PCGF6: variants seen among roughly 807,000 people sequenced by gnomAD.
PCGF6 encodes polycomb group RING finger protein 6.
A neutral mutation model predicts 45.5 loss-of-function variants in PCGF6; 24 were observed. That is an observed-to-expected ratio of 0.53 (90% CI 0.38 to 0.74). PCGF6 has a LOEUF of 0.74. Among genes scored for constraint, PCGF6 ranks in the 30% least tolerant of loss-of-function variants. The probability of loss-of-function intolerance (pLI) is 0.00; values close to 1 mark genes in which losing one functional copy is unlikely to be tolerated. For synonymous variants in PCGF6, 152 were observed against 162.1 expected, an observed-to-expected ratio of 0.94 and a Z score of 0.47; for missense variants, 356 against 443.2, an observed-to-expected ratio of 0.80 and a Z score of 1.77.
At chr10:103,340,502 A>G (rs1399110116) in intron 6 of PCGF6, among the ~76,000 whole-genome samples, 1 of 152,146 alleles carries the variant, frequency 6.6e-6, no homozygotes, top group African/African-American at 2.4e-5. Context: ...CACGTTTACC[A>G]TCGTTGTATT....
intron 9 of PCGF6, among the ~76,000 whole-genome samples, chr10:103,307,394 G>A (rs528840162): frequency 9.2e-4 from 140 of 152,192 alleles, no homozygotes; most frequent in African/African-American, 3.1e-3. Flanking sequence ...CCATATTCAT[G>A]CCACTGCACT....
chr10:103,319,576 A>G (rs2093189112), intron 8 of PCGF6, among the ~76,000 whole-genome samples: 1 of 152,112 alleles, frequency 6.6e-6, no homozygotes, highest in Admixed American at 6.6e-5. Context: ...CATTCATTAC[A>G]TCCTATTGTT....
At chr10:103,348,598 T>C (rs2133602543) in intron 3 of PCGF6, 118 bp downstream of exon 3, 1 of 771,068 alleles carries the variant, frequency 1.3e-6, no homozygotes, top group South Asian at 1.9e-5. Flanking sequence ...GTGCTGGGAT[T>C]ATGGCATTAG....
intron 8 of PCGF6, among the ~76,000 whole-genome samples, chr10:103,322,981 T>C (rs1049016670): frequency 6.6e-6 from 1 of 152,044 alleles, no homozygotes; most frequent in African/African-American, 2.4e-5. Context: ...ATCTGTATTC[T>C]AGAGAGGGTC....
At chr10:103,344,318 C>T (rs2093291667) in intron 6 of PCGF6, among the ~76,000 whole-genome samples, 1 of 150,698 alleles carries the variant, frequency 6.6e-6, no homozygotes, top group Non-Finnish European at 1.5e-5. Flanking sequence ...GTCACCCAGA[C>T]TGGAGTGCGG....
chr10:103,336,044 T>C (rs1382784428), intron 6 of PCGF6, among the ~76,000 whole-genome samples: 1 of 151,224 alleles, frequency 6.6e-6, no homozygotes, highest in East Asian at 2.0e-4. Flanking sequence ...GGTGGGTGGA[T>C]TGCCTGAGCT....
At chr10:103,309,954 CT>C (rs775316303) in intron 9 of PCGF6, among the ~76,000 whole-genome samples, 4,338 of 141,294 alleles carry the variant, frequency 0.031, 73 homozygotes, top group Middle Eastern at 0.042. Context: ...CCTTGTCTTT[CT>C]TTTTTTTTTT....
At chr10:103,345,247 A>T in intron 5 of PCGF6, 115 bp from the exon 6 acceptor site, 1 of 709,854 alleles carries the variant, frequency 1.4e-6, no homozygotes, top group Non-Finnish European at 2.3e-6. Flanking sequence ...ATCATAAACC[A>T]CTCAATCTCC....
At position 103,322,537 on chromosome 10, in the gene PCGF6, C is replaced by T. The variant is rs544097610; in HGVS notation, c.909+3997G>A. On this transcript the variant is annotated intron_variant, in intron 8 of 9. Coordinates refer to ENST00000369847, the MANE Select transcript of PCGF6 (RefSeq NM_001011663.2). ...ATTTTGTTTCTGTCAATTAAAAAAA[C>T]AGGCTGGGCACAGTGGCTCATGCCT... Among the ~76,000 whole-genome samples, 54 of 151,554 alleles carry T rather than the reference C, an allele frequency of 3.6e-4. No individual in the cohort carries two copies. The South Asian group carries it at 0.011, about 32-fold the overall frequency.
At chr10:103,330,827 G>T (rs1056770118) in intron 7 of PCGF6, among the ~76,000 whole-genome samples, 4 of 152,182 alleles carry the variant, frequency 2.6e-5, no homozygotes, top group African/African-American at 9.7e-5. Flanking sequence ...TACTTGGGAG[G>T]CTGAGGCAGG....
chr10:103,303,189 T>C lies in PCGF6; in HGVS notation c.*716A>G, dbSNP rs867493582. On this transcript the variant is annotated 3_prime_UTR_variant, in exon 10 of 10. Coordinates refer to ENST00000369847, the MANE Select transcript of PCGF6 (RefSeq NM_001011663.2). ...TTGCAAGGTATCAACAACCACACTATGTACCCAAATAAAATGAATGTCAGA... is the reference window on the plus strand; with the variant it reads ...TTGCAAGGTATCAACAACCACACTACGTACCCAAATAAAATGAATGTCAGA... The C allele has an allele frequency of 2.0e-5, 3 of 152,624 alleles. No homozygotes were observed. Among genetic ancestry groups the C allele is most frequent in the African/African-American group, 7.2e-5 (3 of 41,456 alleles). 9.5% of individuals were successfully genotyped at this position (152,624 alleles called of 1,614,324 possible). A position where few individuals can be genotyped will look rare whatever the true frequency, so the allele number is the denominator to read the frequency against.
intron 7 of PCGF6, among the ~76,000 whole-genome samples, chr10:103,327,098 C>G (rs1302999909): frequency 1.3e-5 from 2 of 152,112 alleles, no homozygotes; most frequent in African/African-American, 4.8e-5. Flanking sequence ...ACCAGCCTGA[C>G]CAACATGGAG....
At chr10:103,346,394 G>A (rs2093299578) in intron 5 of PCGF6, among the ~76,000 whole-genome samples, 1 of 151,960 alleles carries the variant, frequency 6.6e-6, no homozygotes, top group African/African-American at 2.4e-5. Context: ...GGGAGGCCGA[G>A]GAGGGCAGAT....
chr10:103,325,255 T>C (rs2093213797), intron 8 of PCGF6, among the ~76,000 whole-genome samples: 1 of 152,062 alleles, frequency 6.6e-6, no homozygotes, highest in Admixed American at 6.6e-5. Context: ...GTTTTTTTGT[T>C]TGTTTTGTTT....
rs1026587740 is a variant in PCGF6 at position 103,333,996 on chromosome 10, C to G, written c.783-44G>C. ...ATTAATCAATATTTAATACTTTAAGCTATATGTTTAATCATAAAACAACAT... is the reference window on the plus strand; with the variant it reads ...ATTAATCAATATTTAATACTTTAAGGTATATGTTTAATCATAAAACAACAT... On this transcript the variant is annotated intron_variant, in intron 6 of 9. Coordinates refer to ENST00000369847, the MANE Select transcript of PCGF6 (RefSeq NM_001011663.2). The G allele has an allele frequency of 5.4e-6, 7 of 1,306,210 alleles. No homozygotes were observed. In the African/African-American group the frequency reaches 9.3e-5, roughly 17 times the overall value. 80.9% of individuals were successfully genotyped at this position (1,306,210 alleles called of 1,614,324 possible).
chr10:103,335,889 C>T (rs1308367105), intron 6 of PCGF6, among the ~76,000 whole-genome samples: 1 of 143,664 alleles, frequency 7.0e-6, no homozygotes, highest in Non-Finnish European at 1.5e-5. Flanking sequence ...ACTGCTTGAA[C>T]CCGGGAGGCG....
At chr10:103,304,369 CTTGCTCTG>C (rs1354469670) in intron 9 of PCGF6, among the ~76,000 whole-genome samples, 1 of 152,140 alleles carries the variant, frequency 6.6e-6, no homozygotes, top group Non-Finnish European at 1.5e-5. Flanking sequence ...GAGTCGGAAT[CTTGCTCTG>C]TTGCCCAGGC....
At chr10:103,327,140 C>T (rs180986666) in intron 7 of PCGF6, among the ~76,000 whole-genome samples, 213 of 152,170 alleles carry the variant, frequency 1.4e-3, no homozygotes, top group African/African-American at 4.8e-3. Flanking sequence ...TACAAATTAG[C>T]TGGGCAAGGT....
In PCGF6 at chr10:103,351,043, C is replaced by A. The variant is rs762815332; in HGVS notation, c.24G>T (p.Thr8=). The A allele has an allele frequency of 1.4e-6, 2 of 1,388,284 alleles. No individual in the cohort carries two copies. The highest frequency in any genetic ancestry group is 1.8e-5 in the South Asian group (1 of 56,186). 86.0% of individuals were successfully genotyped at this position (1,388,284 alleles called of 1,614,324 possible). ...TTTTGGCAGCGCCTACGCTGCCCGC[C>A]GTCACCACCGCGACCCCCTCCATGG... The part of the protein sequence containing the change: MEGVAVV[T]AGSVGAAKTE... Residue 8 remains threonine (T), a synonymous_variant, in exon 1 of 10, where the codon ACG becomes ACT. Transcript: ENST00000369847.
Sources: allele counts gnomAD v4.1 joint callset (sites outside exome capture counted in the v4.1 genomes callset), GRCh38; gene constraint gnomAD v4.1.1; transcripts MANE v1.5; gene names NCBI Gene and HGNC (gene_info 2026-07-23, HGNC 2026-07-21).